SAMM50: variants seen among roughly 807,000 people sequenced by gnomAD.
The protein encoded by SAMM50 is SAMM50 sorting and assembly machinery component.
A neutral mutation model predicts 66.9 loss-of-function variants in SAMM50; 47 were observed. The observed-to-expected ratio is 0.70, with a 90% CI of 0.56 to 0.90. The LOEUF (loss-of-function observed/expected upper bound fraction) is 0.90, where lower values mean the gene tolerates loss of function less well. Ranked by LOEUF, SAMM50 falls within the 40% of genes least tolerant of loss-of-function variation. The pLI is 0.00. For missense variants in SAMM50, 535 were observed against 595.3 expected (o/e 0.90, Z 1.05); for synonymous variants, 191 against 214.1 (o/e 0.89, Z 0.94).
chr22:43,958,808 T>C (rs576664844), intron 1 of SAMM50, among the ~76,000 whole-genome samples: 1 of 152,254 alleles, frequency 6.6e-6, no homozygotes, highest in African/African-American at 2.4e-5. Context: ...AAATTGCTGC[T>C]GCTTTGATGA....
chr22:43,957,041 G>T, intron 1 of SAMM50: 1 of 948,284 alleles, frequency 1.1e-6, no homozygotes, highest in Non-Finnish European at 1.7e-6. Context: ...CTGGAAGGCT[G>T]TGGTCCAAGG....
rs373727761 is a variant in SAMM50, at chr22:43,964,501, A to G, written c.182A>G (p.Asp61Gly). The change falls in exon 3 of 15, where the codon GAT (aspartate) becomes GGT (glycine). Residue 61 changes from aspartate to glycine, a missense_variant. Physicochemically the swap from Asp to Gly is moderately conservative, Grantham distance 94. Coordinates refer to ENST00000350028, the MANE Select transcript of SAMM50 (RefSeq NM_015380.5). ...GATGGACTTGGAAGGACTAAAGATG[A>G]TATCATCATTTGTGAAATTGGAGAT... ...HFDGLGRTKD[D>G]IIICEIGDVF... is the part of the protein sequence containing the mutation. 6.2e-7 allele frequency: 1 copy of G among 1,613,042 alleles called. No homozygotes were observed. The highest frequency in any genetic ancestry group is 1.1e-5 in the South Asian group (1 of 91,050).
chr22:43,973,840 C>T (rs1416949922), intron 7 of SAMM50, among the ~76,000 whole-genome samples: 2 of 152,004 alleles, frequency 1.3e-5, no homozygotes, highest in African/African-American at 4.8e-5. Flanking sequence ...CTCGAACTCC[C>T]GACCTCAAGT....
At chr22:43,971,578 A>C (rs1203328039) in intron 4 of SAMM50, among the ~76,000 whole-genome samples, 1 of 152,216 alleles carries the variant, frequency 6.6e-6, no homozygotes, top group East Asian at 1.9e-4. Context: ...TGAGAACCCA[A>C]ATATTTTCAA....
intron 1 of SAMM50, among the ~76,000 whole-genome samples, chr22:43,957,917 T>A (rs766870420): frequency 3.9e-5 from 6 of 152,128 alleles, no homozygotes; most frequent in Non-Finnish European, 7.4e-5. Flanking sequence ...TGCCACCATG[T>A]TCGGCTAATT....
intron 14 of SAMM50, 73 bp from the exon 15 acceptor site, chr22:43,996,265 C>G: frequency 6.6e-7 from 1 of 1,520,666 alleles, no homozygotes; most frequent in Non-Finnish European, 9.1e-7. Context: ...CTGAGAGGCG[C>G]ATGCTCAGTG....
At chr22:43,988,915 C>T in intron 12 of SAMM50, 196 bp from the exon 13 acceptor site, 2 of 477,834 alleles carry the variant, frequency 4.2e-6, no homozygotes, top group South Asian at 1.0e-4. Flanking sequence ...AGGTGTGAAA[C>T]AAACCAGGAG....
intron 1 of SAMM50, among the ~76,000 whole-genome samples, chr22:43,962,915 A>G (rs1277583828): frequency 1.0e-4 from 2 of 19,346 alleles, no homozygotes; most frequent in African/African-American, 4.7e-4. Context: ...TTTTTTTTTT[A>G]GAGATGGGGT....
At chr22:43,986,480 G>A (rs894238268) in intron 12 of SAMM50, 3 of 152,022 alleles carry the variant, frequency 2.0e-5, no homozygotes, top group Non-Finnish European at 2.9e-5. Flanking sequence ...ATCTCCACAT[G>A]CTATGGAACT....
In SAMM50 at chr22:43,963,281, T is replaced by G; in HGVS notation, c.22-5T>G. 3 of 1,591,318 alleles carry G rather than the reference T, an allele frequency of 1.9e-6. No individual in the cohort carries two copies. Among genetic ancestry groups the G allele is most frequent in the Non-Finnish European group, 2.6e-6 (3 of 1,164,784 alleles). On this transcript the variant is annotated splice_polypyrimidine_tract_variant and splice_region_variant and intron_variant, in intron 1 of 14. Coordinates refer to ENST00000350028, the MANE Select transcript of SAMM50 (RefSeq NM_015380.5). The stretch of plus-strand genomic sequence containing the variant: ...ATTTATCTGTGGTCGCTCCCTCCCT[T>G]TCAGAGTTTGGAGCCTCTTCCATCA...
chr22:43,978,636 A>T (rs73890536), intron 10 of SAMM50, among the ~76,000 whole-genome samples: 3,883 of 142,010 alleles, frequency 0.027, 172 homozygotes, highest in African/African-American at 0.094. Context: ...GCTTTCAGAA[A>T]TTTTTTTTTT....
chr22:43,987,116 C>G (rs2050298625), intron 12 of SAMM50: 1 of 152,252 alleles, frequency 6.6e-6, no homozygotes, highest in South Asian at 2.1e-4. Flanking sequence ...TGCTGGTGTT[C>G]CACTCACCAC....
chr22:43,956,433 C>G (rs892032446), intron 1 of SAMM50, among the ~76,000 whole-genome samples: 4 of 152,170 alleles, frequency 2.6e-5, no homozygotes, highest in East Asian at 1.9e-4. Context: ...AGCCTGACAT[C>G]GATAATTGGA....
At chr22:43,959,756 A>G (rs953834201) in intron 1 of SAMM50, among the ~76,000 whole-genome samples, 1 of 152,252 alleles carries the variant, frequency 6.6e-6, no homozygotes, top group South Asian at 2.1e-4. Context: ...TGTACATTCT[A>G]TGAGGGTGAG....
In SAMM50 at chr22:43,976,039, G is replaced by T; in HGVS notation, c.649-16G>T. On this transcript the variant is annotated splice_polypyrimidine_tract_variant and intron_variant, in intron 7 of 14. Transcript: ENST00000350028. ...GTATGTGTGGTCCGGAAAGATGTCTGATCTCCATGTTGCAGTTTCCCATAT... is the reference window on the plus strand; with the variant it reads ...GTATGTGTGGTCCGGAAAGATGTCTTATCTCCATGTTGCAGTTTCCCATAT... 2 of 1,602,050 alleles carry T rather than the reference G, an allele frequency of 1.2e-6. No individual in the cohort carries two copies. Among genetic ancestry groups the T allele is most frequent in the Non-Finnish European group, 1.7e-6 (2 of 1,170,006 alleles).
intron 14 of SAMM50, among the ~76,000 whole-genome samples, chr22:43,993,630 G>A (rs1242742855): frequency 1.3e-5 from 2 of 152,250 alleles, no homozygotes; most frequent in African/African-American, 4.8e-5. Flanking sequence ...TGGACAGTGA[G>A]CTCTGAACGG....
At chr22:43,958,857 A>G (rs966647843) in intron 1 of SAMM50, among the ~76,000 whole-genome samples, 4 of 151,954 alleles carry the variant, frequency 2.6e-5, no homozygotes, top group Admixed American at 2.6e-4. Flanking sequence ...CTTTTATTTG[A>G]CTTTTTCATC....
At chr22:43,964,376 T>C (rs2050162352) in intron 2 of SAMM50, 76 bp from the exon 3 acceptor site, 1 of 698,282 alleles carries the variant, frequency 1.4e-6, no homozygotes, top group South Asian at 1.9e-5. Context: ...AATTAAACCT[T>C]GACATTGTCT....
At chr22:43,962,713 CAGG>C (rs1398426234) in intron 1 of SAMM50, among the ~76,000 whole-genome samples, 1 of 152,062 alleles carries the variant, frequency 6.6e-6, no homozygotes, top group Non-Finnish European at 1.5e-5. Context: ...TCTGTAACAA[CAGG>C]AGAGCAAATT....
Sources: allele counts gnomAD v4.1 joint callset (sites outside exome capture counted in the v4.1 genomes callset), GRCh38; gene constraint gnomAD v4.1.1; transcripts MANE v1.5; gene names NCBI Gene and HGNC (gene_info 2026-07-23, HGNC 2026-07-21).